The following PLCB1 variants were observed in gnomAD, a reference collection of about 807,000 sequenced individuals.
PLCB1 encodes phospholipase C beta 1.
PLCB1 carries 46 observed loss-of-function variants against 161.8 expected under a neutral mutation model. The observed-to-expected ratio is 0.28, with a 90% CI of 0.22 to 0.36. The LOEUF is 0.36. Ranked by LOEUF, PLCB1 falls within the 10% of genes least tolerant of loss-of-function variation. The pLI is 1.00. For missense variants in PLCB1, 1,016 were observed against 1,472.5 expected (o/e 0.69, Z 5.07); for synonymous variants, 517 against 503.7 (o/e 1.03, Z -0.35).
chr20:8,816,147 C>T (rs1011831108), intron 31 of PLCB1, among the ~76,000 whole-genome samples: 2 of 152,114 alleles, frequency 1.3e-5, no homozygotes, highest in Non-Finnish European at 2.9e-5. Flanking sequence ...CCAGGAGATA[C>T]AGCTAAGTGC....
At chr20:8,659,135 C>A (rs1366553238) in intron 9 of PLCB1, among the ~76,000 whole-genome samples, 1 of 152,010 alleles carries the variant, frequency 6.6e-6, no homozygotes, top group Non-Finnish European at 1.5e-5. Context: ...TATATACTAT[C>A]TGATAAATAC....
chr20:8,238,871 G>T (rs200645752), intron 2 of PLCB1, among the ~76,000 whole-genome samples: 3,439 of 151,734 alleles, frequency 0.023, 118 homozygotes, highest in African/African-American at 0.074. Context: ...GTGGCTGGGG[G>T]GAAGACATCA....
intron 3 of PLCB1, among the ~76,000 whole-genome samples, chr20:8,463,187 G>GTGTC (rs1207041838): frequency 1.3e-5 from 2 of 150,654 alleles, no homozygotes; most frequent in East Asian, 3.9e-4. Context: ...GTGTGTCTGT[G>GTGTC]TATGTGTGTG....
intron 11 of PLCB1, among the ~76,000 whole-genome samples, chr20:8,706,827 A>G (rs1978707029): frequency 6.6e-6 from 1 of 152,204 alleles, no homozygotes; most frequent in African/African-American, 2.4e-5. Flanking sequence ...GATAACCATC[A>G]TGAGCTGAGT....
chr20:8,422,712 T>A (rs1231571873), intron 3 of PLCB1, among the ~76,000 whole-genome samples: 1 of 152,136 alleles, frequency 6.6e-6, no homozygotes, highest in Non-Finnish European at 1.5e-5. Context: ...TATGGAGATA[T>A]TTTTATGGGA....
At position 8,132,412 on chromosome 20, in the gene PLCB1, G is replaced by A; in HGVS notation, c.-240G>A. 1 of 293,366 alleles carries A rather than the reference G, an allele frequency of 3.4e-6. No homozygotes were observed. Among genetic ancestry groups the A allele is most frequent in the Non-Finnish European group, 6.3e-6 (1 of 159,464 alleles). The allele number at this position is 293,366 out of a possible 1,614,324, so 18.2% of individuals were successfully genotyped here. A position where few individuals can be genotyped will look rare whatever the true frequency, so the allele number is the denominator to read the frequency against. On this transcript the variant is annotated 5_prime_UTR_variant, in exon 1 of 32. Transcript: ENST00000338037. This position sits in a 1 kb window ranked among gnomAD's most constrained non-coding sequence, Gnocchi z 5.2. ...CCTTCCGAGGCTCCTCATCCACCGC[G>A]GGCTCCAGACCTCGCGTCCCGCCCG...
At chr20:8,375,064 G>C (rs1402153239) in intron 3 of PLCB1, among the ~76,000 whole-genome samples, 1 of 152,140 alleles carries the variant, frequency 6.6e-6, no homozygotes, top group Non-Finnish European at 1.5e-5. Context: ...TGAAATTCCA[G>C]ATCTTCTTTT....
chr20:8,767,830 C>G (rs1403573058), intron 26 of PLCB1, among the ~76,000 whole-genome samples: 1 of 152,170 alleles, frequency 6.6e-6, no homozygotes, highest in Non-Finnish European at 1.5e-5. Flanking sequence ...GTACAGCAAA[C>G]TGGATGGCTT....
At chr20:8,223,443 GT>G (rs751782840) in intron 2 of PLCB1, among the ~76,000 whole-genome samples, 5 of 151,978 alleles carry the variant, frequency 3.3e-5, no homozygotes, top group South Asian at 4.2e-4. Context: ...TGACTTTTTA[GT>G]TTTTTTTCTC....
chr20:8,348,411 G>T (rs1411545102), intron 2 of PLCB1, among the ~76,000 whole-genome samples: 1 of 152,176 alleles, frequency 6.6e-6, no homozygotes, highest in Non-Finnish European at 1.5e-5. Flanking sequence ...TGGCAAAGAG[G>T]TGTCAACAAA....
intron 31 of PLCB1, among the ~76,000 whole-genome samples, chr20:8,820,293 G>A (rs370176626): frequency 6.6e-6 from 1 of 150,454 alleles, no homozygotes; most frequent in African/African-American, 2.4e-5. Flanking sequence ...TACAGATTAA[G>A]TGAAAGACAA....
rs186040887 is a variant in PLCB1 at position 8,697,042 on chromosome 20, T to A, written c.1010-584T>A. On this transcript the variant is annotated intron_variant, in intron 10 of 31. Transcript: ENST00000338037. ...GCCACTGTGCCTGGCCTTAAATTTATTTTTTTTTAAAGAGCACTTTTAAAA... is the reference window on the plus strand; with the variant it reads ...GCCACTGTGCCTGGCCTTAAATTTAATTTTTTTTAAAGAGCACTTTTAAAA... Among the ~76,000 whole-genome samples the A allele has an allele frequency of 3.4e-3, 435 of 128,752 alleles. 5 individuals are homozygous for A. Among genetic ancestry groups the A allele is most frequent in the African/African-American group, 0.013 (407 of 31,376 alleles). The allele number at this position is 128,752 out of a possible 152,430, so 84.5% of individuals were successfully genotyped here. A position where few individuals can be genotyped will look rare whatever the true frequency, so the allele number is the denominator to read the frequency against.
At chr20:8,548,255 A>T (rs1297233421) in intron 3 of PLCB1, among the ~76,000 whole-genome samples, 190 of 68,888 alleles carry the variant, frequency 2.8e-3, no homozygotes, top group Admixed American at 4.8e-3. Flanking sequence ...CCTCTTTTTC[A>T]CCCTTCCTTC....
chr20:8,328,711 G>A (rs1258401788), intron 2 of PLCB1, among the ~76,000 whole-genome samples: 1 of 152,140 alleles, frequency 6.6e-6, no homozygotes, highest in Non-Finnish European at 1.5e-5. Context: ...AGTTGATTCT[G>A]TTTTGAGTAT....
At chr20:8,575,202 T>G (rs1290346334) in intron 3 of PLCB1, among the ~76,000 whole-genome samples, 1 of 152,084 alleles carries the variant, frequency 6.6e-6, no homozygotes, top group Non-Finnish European at 1.5e-5. Flanking sequence ...TGAACATGAG[T>G]AAAATGTGTC....
intron 3 of PLCB1, among the ~76,000 whole-genome samples, chr20:8,429,098 G>T (rs1034474694): frequency 3.9e-5 from 6 of 152,220 alleles, no homozygotes; most frequent in Admixed American, 3.9e-4. Flanking sequence ...CCCTTTACTT[G>T]CTTGTATCTT....
Position 8,675,256 on chromosome 20 carries a change from G to A in PLCB1, c.863-9676G>A, listed in dbSNP as rs116124207. On this transcript the variant is annotated intron_variant, in intron 9 of 31. Coordinates refer to ENST00000338037, the MANE Select transcript of PLCB1 (RefSeq NM_015192.4). ...ACCACCGCACCTGTTCCACAAAAGC[G>A]GCCTTGTGAGATTGGCAAGAGAAGC... Among the ~76,000 whole-genome samples, 1,163 of 152,158 alleles carry A rather than the reference G, an allele frequency of 7.6e-3. 13 individuals are homozygous for A. The highest frequency in any genetic ancestry group is 0.027 in the African/African-American group (1,105 of 41,512).
intron 2 of PLCB1, among the ~76,000 whole-genome samples, chr20:8,276,981 T>TTA: frequency 8.3e-6 from 1 of 120,196 alleles, no homozygotes; most frequent in African/African-American, 3.4e-5. Context: ...CTTCTTCTTC[T>TTA]TCTTCTTATT....
chr20:8,307,923 A>AAAACAAAC (rs990608511), intron 2 of PLCB1, among the ~76,000 whole-genome samples: 1 of 151,916 alleles, frequency 6.6e-6, no homozygotes, highest in Non-Finnish European at 1.5e-5. Flanking sequence ...ACTCCATCTC[A>AAAACAAAC]AAACAAACAA....
Sources: gnomAD v4.1 joint callset for allele counts (sites outside exome capture counted in the v4.1 genomes callset) on GRCh38, gnomAD v4.1.1 for gene constraint, Gnocchi (gnomAD v3.1) non-coding constraint, MANE v1.5 for transcripts, NCBI Gene and HGNC (gene_info 2026-07-23, HGNC 2026-07-21) for gene names.